The following MLF1 variants were observed in gnomAD, a reference collection of about 807,000 sequenced individuals.
The protein encoded by MLF1 is myelodysplasia-myeloid leukemia factor 1.
A neutral mutation model predicts 38.3 loss-of-function variants in MLF1; 37 were observed. The ratio of observed to expected loss-of-function variants is 0.96; its 90% CI spans 0.74 to 1.27. The LOEUF is 1.27. Ranked by LOEUF, MLF1 falls within the 50% of genes most tolerant of loss-of-function variation. The probability of loss-of-function intolerance (pLI) is 0.00; values close to 1 mark genes in which losing one functional copy is unlikely to be tolerated. For missense variants in MLF1, 331 were observed against 349.2 expected, an observed-to-expected ratio of 0.95 and a Z score of 0.42; for synonymous variants, 95 against 106.5, an observed-to-expected ratio of 0.89 and a Z score of 0.66.
chr3:158,594,947 T>C (rs572400329), intron 3 of MLF1, among the ~76,000 whole-genome samples: 12 of 152,158 alleles, frequency 7.9e-5, no homozygotes, highest in Non-Finnish European at 1.6e-4. Flanking sequence ...ATATATGGAT[T>C]TGAGCTGAGC....
At chr3:158,599,965 T>C (rs377021175) in intron 5 of MLF1, 49 bp from the exon 6 acceptor site, 192 of 918,610 alleles carry the variant, frequency 2.1e-4, no homozygotes, top group South Asian at 8.2e-4. Flanking sequence ...CCCTGAGATA[T>C]ACATTCTATA....
At chr3:158,602,539 C>G (rs1228681307) in intron 6 of MLF1, among the ~76,000 whole-genome samples, 1 of 152,146 alleles carries the variant, frequency 6.6e-6, no homozygotes, top group Non-Finnish European at 1.5e-5. Flanking sequence ...ATTAGGTCAG[C>G]TGGTCCATTG....
chr3:158,595,680 T>C (rs996318867), intron 3 of MLF1, among the ~76,000 whole-genome samples: 3 of 152,130 alleles, frequency 2.0e-5, no homozygotes, highest in Non-Finnish European at 4.4e-5. Flanking sequence ...AAATGTGCCT[T>C]TGTTGTTCCC....
intron 7 of MLF1, among the ~76,000 whole-genome samples, chr3:158,604,417 TC>T (rs1473368788): frequency 6.6e-6 from 1 of 152,208 alleles, no homozygotes; most frequent in African/African-American, 2.4e-5. Context: ...ATCTATTCTG[TC>T]CAGTGTAGTA....
At chr3:158,597,891 C>CT (rs1560109556) in intron 4 of MLF1, among the ~76,000 whole-genome samples, 189 bp from the exon 5 acceptor site, 1 of 151,972 alleles carries the variant, frequency 6.6e-6, no homozygotes, top group Non-Finnish European at 1.5e-5. Flanking sequence ...CTAGGGGTGA[C>CT]TTTTTTTGGG....
chr3:158,598,183 C>T lies in MLF1; in HGVS notation c.428C>T (p.Thr143Ile). ...DEPPKVFQAS[T>I]QTRRAPGGIK... ...CCGCCAAAGGTTTTTCAGGCCTCAA[C>T]TCAAACTCGTCGAGCTCCAGGAGGA... Residue 143 changes from threonine (T) to isoleucine (I), a missense_variant, in exon 5 of 8, where the codon ACT (threonine) becomes ATT (isoleucine). Transcript: ENST00000466246. 1.2e-6 allele frequency: 2 copies of T among 1,613,822 alleles called. No homozygotes were observed. Among genetic ancestry groups the T allele is most frequent in the East Asian group, 2.2e-5 (1 of 44,860 alleles).
rs2108634684 is a variant in MLF1, at chr3:158,596,955, A to C, written c.324+10A>C. The C allele has an allele frequency of 6.5e-7, 1 of 1,534,454 alleles. No individual in the cohort carries two copies. Among genetic ancestry groups the C allele is most frequent in the Non-Finnish European group, 9.0e-7 (1 of 1,112,184 alleles). On this transcript the variant is annotated intron_variant, in intron 4 of 7. Transcript: ENST00000466246. ...ATTAGAAAGAAACTTCGTAAGTACTAAAAACAAAGCATTGAGAACATTGTG... is the reference window on the plus strand; with the variant it reads ...ATTAGAAAGAAACTTCGTAAGTACTCAAAACAAAGCATTGAGAACATTGTG...
At chr3:158,600,965 A>T (rs931213530) in intron 6 of MLF1, among the ~76,000 whole-genome samples, 1 of 151,368 alleles carries the variant, frequency 6.6e-6, no homozygotes, top group Non-Finnish European at 1.5e-5. Context: ...TTTAATCATT[A>T]AATTTAAATT....
chr3:158,582,298 A>C (rs546263027), intron 1 of MLF1, among the ~76,000 whole-genome samples: 1 of 145,440 alleles, frequency 6.9e-6, no homozygotes, highest in African/African-American at 2.5e-5. Flanking sequence ...ACTGAAAATC[A>C]AAGAGAAAAA....
chr3:158,595,212 A>G (rs1344145192), intron 3 of MLF1, among the ~76,000 whole-genome samples: 1 of 152,092 alleles, frequency 6.6e-6, no homozygotes, highest in Non-Finnish European at 1.5e-5. Flanking sequence ...ACAGGTGACC[A>G]GCGGTGGCCT....
rs1018089305 is a variant in MLF1 at position 158,592,654 on chromosome 3, A to G, written c.195+73A>G. ...TTGAAGAAAAGTATTACAGAAGTAT[A>G]TATCTATAATGATAGGATATGACTA... On this transcript the variant is annotated intron_variant, in intron 2 of 7. Coordinates refer to ENST00000466246, the MANE Select transcript of MLF1 (RefSeq NM_001369783.1). The G allele has an allele frequency of 2.5e-6, 3 of 1,191,438 alleles. No individual in the cohort carries two copies. The African/African-American group carries it at 4.6e-5, about 18-fold the overall frequency. 73.8% of individuals were successfully genotyped at this position (1,191,438 alleles called of 1,614,324 possible). A position where few individuals can be genotyped will look rare whatever the true frequency, so the allele number is the denominator to read the frequency against.
chr3:158,572,958 A>G (rs1001483292), intron 1 of MLF1, among the ~76,000 whole-genome samples: 1 of 151,464 alleles, frequency 6.6e-6, no homozygotes, highest in Non-Finnish European at 1.5e-5. Context: ...GGTGCCCGTC[A>G]TGGCTTCCTG....
At chr3:158,591,196 G>GTTTTT in intron 1 of MLF1, 1 of 440,942 alleles carries the variant, frequency 2.3e-6, no homozygotes. Context: ...GTCTGGCTCT[G>GTTTTT]TCACCCCGTC....
chr3:158,598,330 GTGGGGGTT>G, intron 5 of MLF1, 122 bp downstream of exon 5: 15 of 865,978 alleles, frequency 1.7e-5, no homozygotes, highest in African/African-American at 3.5e-5. Context: ...GGAGGGAGGT[GTGGGGGTT>G]GGGGGTAAGG....
chr3:158,574,523 A>AAAC (rs1553830590), intron 1 of MLF1, among the ~76,000 whole-genome samples: 4 of 115,698 alleles, frequency 3.5e-5, no homozygotes, highest in African/African-American at 1.2e-4. Flanking sequence ...AAAAAAAAAA[A>AAAC]AAAATACAAA....
At chr3:158,588,600 C>CAAAAAAA (rs67267045) in intron 1 of MLF1, among the ~76,000 whole-genome samples, 2 of 51,274 alleles carry the variant, frequency 3.9e-5, no homozygotes, top group Non-Finnish European at 7.6e-5. Flanking sequence ...GACTCCGTCT[C>CAAAAAAA]AAAAAAAAAA....
intron 3 of MLF1, among the ~76,000 whole-genome samples, chr3:158,594,660 T>C (rs1000719005): frequency 3.3e-5 from 5 of 152,148 alleles, no homozygotes; most frequent in African/African-American, 7.2e-5. Flanking sequence ...TCTGTGGTGA[T>C]AAAAATGAAT....
At chr3:158,583,034 C>G (rs1395579222) in intron 1 of MLF1, 1 of 548,546 alleles carries the variant, frequency 1.8e-6, no homozygotes, top group Admixed American at 3.5e-5. Context: ...GAATGCCAAT[C>G]TACCTCTTAT....
chr3:158,586,014 A>G (rs1020874851), intron 1 of MLF1, among the ~76,000 whole-genome samples: 2 of 151,966 alleles, frequency 1.3e-5, no homozygotes, highest in East Asian at 3.9e-4. Flanking sequence ...ATACAAAAAA[A>G]TTTGTATGGC....
Sources: allele counts gnomAD v4.1 joint callset (sites outside exome capture counted in the v4.1 genomes callset), GRCh38; gene constraint gnomAD v4.1.1; transcripts MANE v1.5; gene names NCBI Gene and HGNC (gene_info 2026-07-23, HGNC 2026-07-21).